The following GRIN2B variants were observed in gnomAD, a reference collection of about 807,000 sequenced individuals.
The protein encoded by GRIN2B is glutamate ionotropic receptor NMDA type subunit 2B.
GRIN2B carries 5 observed loss-of-function variants against 114.5 expected under a neutral mutation model. That is an observed-to-expected ratio of 0.04 (90% CI 0.02 to 0.09). The LOEUF is 0.09. Ranked by LOEUF, GRIN2B falls within the 10% of genes least tolerant of loss-of-function variation. The pLI is 1.00. For synonymous variants in GRIN2B, 787 were observed against 745.1 expected, an observed-to-expected ratio of 1.06 and a Z score of -0.92; for missense variants, 1,108 against 1,943.5, an observed-to-expected ratio of 0.57 and a Z score of 8.08.
rs115528280 is a variant in GRIN2B at position 13,725,157 on chromosome 12, G to A, written c.1010+28160C>T. ...TCTGCTCTTTATTTCTCAGCACACC[G>A]TTGTCACTATCTAGCCTCAGGATAA... On this transcript the variant is annotated intron_variant, in intron 4 of 13. Transcript: ENST00000609686. Among the ~76,000 whole-genome samples, 782 of 152,146 alleles carry A rather than the reference G, an allele frequency of 5.1e-3. 7 individuals carry two copies. Among genetic ancestry groups the A allele is most frequent in the African/African-American group, 0.018 (738 of 41,508 alleles).
chr12:13,621,613 GTTTTTTTT>G (rs869106790), intron 5 of GRIN2B, among the ~76,000 whole-genome samples: 2 of 72,368 alleles, frequency 2.8e-5, no homozygotes. Context: ...CCTAGTTTTT[GTTTTTTTT>G]TTTTTTTTTT....
At chr12:13,886,812 A>G (rs900460023) in intron 2 of GRIN2B, among the ~76,000 whole-genome samples, 2 of 152,194 alleles carry the variant, frequency 1.3e-5, no homozygotes, top group African/African-American at 4.8e-5. Context: ...ATGCTTCTAC[A>G]ATAGAGGTTC....
At chr12:13,797,973 G>T (rs925139694) in intron 3 of GRIN2B, among the ~76,000 whole-genome samples, 61 of 152,140 alleles carry the variant, frequency 4.0e-4, no homozygotes, top group African/African-American at 1.5e-3. Flanking sequence ...ACTTCAGTTT[G>T]TAAGAAGACT....
At chr12:13,652,812 T>G (rs774746725) in intron 5 of GRIN2B, among the ~76,000 whole-genome samples, 2 of 152,128 alleles carry the variant, frequency 1.3e-5, no homozygotes, top group Non-Finnish European at 2.9e-5. Context: ...TGAGAATTAC[T>G]AAAAAGGCTG....
intron 4 of GRIN2B, among the ~76,000 whole-genome samples, chr12:13,739,236 C>T (rs1484273005): frequency 6.6e-6 from 1 of 151,592 alleles, no homozygotes; most frequent in Non-Finnish European, 1.5e-5. Context: ...CAAAATTAGT[C>T]GGGCATGGTG....
intron 4 of GRIN2B, among the ~76,000 whole-genome samples, chr12:13,743,963 AG>A (rs1202493945): frequency 6.6e-6 from 1 of 152,226 alleles, no homozygotes; most frequent in Non-Finnish European, 1.5e-5. Context: ...ATATTGTCAC[AG>A]GGTGGTTTCC....
chr12:13,596,823 G>A (rs569778387), intron 10 of GRIN2B, among the ~76,000 whole-genome samples: 2 of 152,226 alleles, frequency 1.3e-5, no homozygotes, highest in African/African-American at 2.4e-5. Flanking sequence ...CTCACAGCTG[G>A]ATAATGAGTG....
chr12:13,842,985 G>T (rs1164781003), intron 3 of GRIN2B, among the ~76,000 whole-genome samples: 3 of 122,590 alleles, frequency 2.4e-5, no homozygotes, highest in African/African-American at 9.4e-5. Context: ...ATTTTTTGCG[G>T]TGTTTTGTTT....
At chr12:13,638,545 G>A (rs1949685388) in intron 5 of GRIN2B, among the ~76,000 whole-genome samples, 1 of 152,140 alleles carries the variant, frequency 6.6e-6, no homozygotes, top group Admixed American at 6.6e-5. Flanking sequence ...ACAGGCAAGA[G>A]CTGGGCTTCA....
chr12:13,659,474 T>C (rs1338413170), intron 5 of GRIN2B, among the ~76,000 whole-genome samples: 1 of 152,194 alleles, frequency 6.6e-6, no homozygotes, highest in Non-Finnish European at 1.5e-5. Context: ...AGAGAAGTCA[T>C]AATCACATCA....
chr12:13,602,047 G>T (rs1230829967), intron 10 of GRIN2B, among the ~76,000 whole-genome samples: 1 of 152,152 alleles, frequency 6.6e-6, no homozygotes, highest in Non-Finnish European at 1.5e-5. Context: ...GGTCACCCTG[G>T]CAGGAATGAA....
At chr12:13,828,279 T>TA (rs1157050421) in intron 3 of GRIN2B, among the ~76,000 whole-genome samples, 2 of 152,204 alleles carry the variant, frequency 1.3e-5, no homozygotes, top group Admixed American at 1.3e-4. Context: ...AGATCTCTAT[T>TA]AAGTCTCAAT....
At chr12:13,735,937 G>A (rs894844820) in intron 4 of GRIN2B, among the ~76,000 whole-genome samples, 4 of 151,542 alleles carry the variant, frequency 2.6e-5, no homozygotes, top group Non-Finnish European at 5.9e-5. Flanking sequence ...TCTGAAGCAC[G>A]TGTCACTGCC....
chr12:13,589,622 G>C (rs1002247534), intron 10 of GRIN2B, among the ~76,000 whole-genome samples: 21 of 152,232 alleles, frequency 1.4e-4, no homozygotes, highest in Admixed American at 7.2e-4. Context: ...TAAATGAAAA[G>C]TAGGCGGTGA....
rs12814951 is a variant in GRIN2B at position 13,547,642 on chromosome 12, G to C, written c.*15141C>G. 2.0e-5 allele frequency: 3 copies of C among 151,882 alleles called. No homozygotes were observed. Among genetic ancestry groups the C allele is most frequent in the African/African-American group, 7.3e-5 (3 of 41,364 alleles). 9.4% of individuals were successfully genotyped at this position (151,882 alleles called of 1,614,324 possible). A position where few individuals can be genotyped will look rare whatever the true frequency, so the allele number is the denominator to read the frequency against. ...GATGGGAGTTTTGTTCTTGGTCTTA[G>C]TTGTCTCCCTAGGAGAAGCAGCTCT... On this transcript the variant is annotated 3_prime_UTR_variant, in exon 14 of 14. Coordinates refer to ENST00000609686, the MANE Select transcript of GRIN2B (RefSeq NM_000834.5).
intron 5 of GRIN2B, among the ~76,000 whole-genome samples, chr12:13,647,761 C>G (rs900087766): frequency 1.3e-5 from 2 of 151,970 alleles, no homozygotes; most frequent in African/African-American, 4.8e-5. Context: ...GATAACTGCT[C>G]CACCTAGGAA....
Position 13,817,768 on chromosome 12 carries a change from C to A in GRIN2B, c.411+48030G>T, listed in dbSNP as rs557435275. On this transcript the variant is annotated intron_variant, in intron 3 of 13. Transcript: ENST00000609686. ...TTCAAGTCAGGCCATGGGTTTCCAA[C>A]CGCTCAGGAATGGTTCTTCTGGGTC... Among the ~76,000 whole-genome samples the A allele has an allele frequency of 1.6e-4, 24 of 152,272 alleles. No homozygotes were observed. In the South Asian group the frequency reaches 4.6e-3, roughly 29 times the overall value.
chr12:13,664,262 G>A (rs1400909646), intron 5 of GRIN2B, among the ~76,000 whole-genome samples: 2 of 152,092 alleles, frequency 1.3e-5, no homozygotes, highest in Non-Finnish European at 2.9e-5. Flanking sequence ...AGAGAGGTGA[G>A]GAGGGAAAAG....
rs527524988 is a variant in GRIN2B, at chr12:13,972,997, T to C, written c.-19+6931A>G. On this transcript the variant is annotated intron_variant, in intron 2 of 13. Transcript: ENST00000609686. ...ATCTCGAATCCAAAGTACAAACTGC[T>C]ATGGCATCTGTGTGACCAGACTACG... is the stretch of plus-strand genomic sequence containing the variant. Among the ~76,000 whole-genome samples the C allele has an allele frequency of 2.6e-5, 4 of 152,318 alleles. No individual in the cohort carries two copies. The South Asian group carries it at 8.3e-4, about 32-fold the overall frequency.
Sources: allele counts gnomAD v4.1 joint callset (sites outside exome capture counted in the v4.1 genomes callset), GRCh38; gene constraint gnomAD v4.1.1; transcripts MANE v1.5; gene names NCBI Gene and HGNC (gene_info 2026-07-23, HGNC 2026-07-21).